The following DIPK2A variants were observed in gnomAD, a reference collection of about 807,000 sequenced individuals.
The protein encoded by DIPK2A is Golgi Protein of 49 kDa.
DIPK2A carries 27 observed loss-of-function variants against 39.0 expected under a neutral mutation model. The observed-to-expected ratio is 0.69, with a 90% CI of 0.51 to 0.96. DIPK2A has a LOEUF of 0.96. Among genes scored for constraint, DIPK2A ranks in the 40% least tolerant of loss-of-function variants. The pLI, the probability that DIPK2A is intolerant of heterozygous loss-of-function variation, is 0.00. For missense variants in DIPK2A, 528 were observed against 571.3 expected, an observed-to-expected ratio of 0.92 and a Z score of 0.77; for synonymous variants, 298 against 240.8, an observed-to-expected ratio of 1.24 and a Z score of -2.20.
At chr3:143,987,865 C>T (rs1299934942) in intron 2 of DIPK2A, among the ~76,000 whole-genome samples, 2 of 152,210 alleles carry the variant, frequency 1.3e-5, no homozygotes, top group African/African-American at 4.8e-5. Context: ...CCATTAGCAA[C>T]CACCTAATTG....
chr3:143,989,932 A>G lies in DIPK2A; in HGVS notation c.*91A>G, dbSNP rs2087957498. On this transcript the variant is annotated 3_prime_UTR_variant, in exon 3 of 3. Transcript: ENST00000315691. ...ACGATCTGAAAAAATGAAATTTGGA[A>G]GTGTTACATTCAGAGGATGATAAAC... 1 of 946,768 alleles carries G rather than the reference A, an allele frequency of 1.1e-6. No individual in the cohort carries two copies. Among genetic ancestry groups the G allele is most frequent in the African/African-American group, 1.6e-5 (1 of 60,848 alleles). The allele number at this position is 946,768 out of a possible 1,614,324, so 58.6% of individuals were successfully genotyped here.
chr3:143,990,367 G>T lies in DIPK2A; in HGVS notation c.*526G>T, dbSNP rs377662843. The T allele has an allele frequency of 7.2e-6, 1 of 139,220 alleles. No individual in the cohort carries two copies. The highest frequency in any genetic ancestry group is 1.5e-5 in the Non-Finnish European group (1 of 64,736). The allele number at this position is 139,220 out of a possible 1,614,324, so 8.6% of individuals were successfully genotyped here. On this transcript the variant is annotated 3_prime_UTR_variant, in exon 3 of 3. Coordinates refer to ENST00000315691, the MANE Select transcript of DIPK2A (RefSeq NM_173552.5). ...GTGTTCATTTAAATTTTTAATAGTT[G>T]TCATTCAGTGCTATTTGGTACATAT...
chr3:143,973,793 T>C (rs569217536), intron 1 of DIPK2A: 5 of 579,852 alleles, frequency 8.6e-6, no homozygotes, highest in African/African-American at 7.5e-5. Flanking sequence ...CGTTGTTTGC[T>C]CTCGTCTGAC....
At chr3:143,986,704 A>C (rs1469049760) in intron 2 of DIPK2A, among the ~76,000 whole-genome samples, 1 of 149,386 alleles carries the variant, frequency 6.7e-6, no homozygotes, top group East Asian at 1.9e-4. Flanking sequence ...CAGCCTGGGC[A>C]ACAGCGAGAC....
chr3:143,973,464 A>T, intron 1 of DIPK2A: 1 of 1,551,286 alleles, frequency 6.4e-7, no homozygotes, highest in East Asian at 2.4e-5. Flanking sequence ...CTTCGGTCTC[A>T]GAGTCTTTGT....
In DIPK2A at chr3:143,973,078, G is replaced by A. The variant is rs113658193; in HGVS notation, c.657+89G>A. 110 of 1,463,410 alleles carry A rather than the reference G, an allele frequency of 7.5e-5. 1 individual carries two copies. The African/African-American group carries it at 8.1e-4, about 11-fold the overall frequency. The allele number at this position is 1,463,410 out of a possible 1,614,324, so 90.7% of individuals were successfully genotyped here. ...AGAAGTGGCTCAGCCAGCGCTTGCCGCCAGTTCGGACTCGGCCGGGCTGGG... is the reference window on the plus strand; with the variant it reads ...AGAAGTGGCTCAGCCAGCGCTTGCCACCAGTTCGGACTCGGCCGGGCTGGG... On this transcript the variant is annotated intron_variant, in intron 1 of 2. Coordinates refer to ENST00000315691, the MANE Select transcript of DIPK2A (RefSeq NM_173552.5).
At chr3:143,989,469 T>TA in intron 2 of DIPK2A, 41 bp from the exon 3 acceptor site, 1 of 1,384,898 alleles carries the variant, frequency 7.2e-7, no homozygotes, top group Non-Finnish European at 9.9e-7. Context: ...GAAAACTATT[T>TA]AAAAAATTTT....
chr3:143,972,968 C>A lies in DIPK2A; in HGVS notation c.636C>A (p.Asn212Lys), dbSNP rs1211522863. Residue 212 changes from asparagine (N) to lysine (K), a missense_variant, in exon 1 of 3, where the codon AAC becomes AAA. This residue lies in a region of DIPK2A where 219 missense variants were observed against 281.5 expected (regional missense o/e 0.78). Transcript: ENST00000315691. ...AGCTGCTGCTGACCCTGGCCTTCAA[C>A]CCCGAGCCGCTGGTGCTACAGGTAG... ...RMQLLLTLAF[N>K]PEPLVLQSFP... is the part of the protein sequence containing the mutation. The A allele has an allele frequency of 6.3e-7, 1 of 1,587,286 alleles. No homozygotes were observed. The highest frequency in any genetic ancestry group is 1.1e-5 in the South Asian group (1 of 88,076).
Position 143,972,288 on chromosome 3 carries a change from G to T in DIPK2A, c.-45G>T. Reference sequence around the variant, plus strand: ...CTCCGGGTCTTGGCGCGGCGGGGGCGCCCCGGGGGTGCCCTCGCCCTCCCG... The same window carrying T: ...CTCCGGGTCTTGGCGCGGCGGGGGCTCCCCGGGGGTGCCCTCGCCCTCCCG... On this transcript the variant is annotated 5_prime_UTR_variant, in exon 1 of 3. Coordinates refer to ENST00000315691, the MANE Select transcript of DIPK2A (RefSeq NM_173552.5). 1 of 1,333,400 alleles carries T rather than the reference G, an allele frequency of 7.5e-7. No individual in the cohort carries two copies. The highest frequency in any genetic ancestry group is 9.6e-7 in the Non-Finnish European group (1 of 1,046,822). The allele number at this position is 1,333,400 out of a possible 1,614,324, so 82.6% of individuals were successfully genotyped here. A position where few individuals can be genotyped will look rare whatever the true frequency, so the allele number is the denominator to read the frequency against.
At position 143,972,504 on chromosome 3, in the gene DIPK2A, T is replaced by TGCTTCGGCACGAGCTGGTGCCGCCGC; in HGVS notation, c.173_198dup (p.Phe67AlafsTer31). The TGCTTCGGCACGAGCTGGTGCCGCCGC allele has an allele frequency of 6.2e-7, 1 of 1,610,436 alleles. No individual in the cohort carries two copies. Among genetic ancestry groups the TGCTTCGGCACGAGCTGGTGCCGCCGC allele is most frequent in the Non-Finnish European group, 8.5e-7 (1 of 1,178,532 alleles). ...CCTGCAGCTCAATAAGTGCCCGGCGTGCTTCGGCACGAGCTGGTGCCGCCG... is the reference window on the plus strand; with the variant it reads ...CCTGCAGCTCAATAAGTGCCCGGCGTGCTTCGGCACGAGCTGGTGCCGCCGCGCTTCGGCACGAGCTGGTGCCGCCG... On this transcript the variant is annotated frameshift_variant, in exon 1 of 3. Coordinates refer to ENST00000315691, the MANE Select transcript of DIPK2A (RefSeq NM_173552.5). LOFTEE classifies it high-confidence loss of function.
At position 143,989,659 on chromosome 3, in the gene DIPK2A, C is replaced by A; in HGVS notation, c.1111C>A (p.His371Asn). ...YAVCQNLLSRHATWRGTSGGL... is the reference protein window; with the variant it reads ...YAVCQNLLSRNATWRGTSGGL... The stretch of plus-strand genomic sequence containing the variant: ...TGTTTGTCAGAACCTCTTATCCAGA[C>A]ATGCCACCTGGCGTGGCACTTCTGG... The change falls in exon 3 of 3, where the codon CAT (histidine) becomes AAT (asparagine). Residue 371 changes from histidine (H) to asparagine (N), a missense_variant. His to Asn is a moderately conservative substitution (Grantham distance 68). Transcript: ENST00000315691. 1.2e-6 allele frequency: 2 copies of A among 1,614,230 alleles called. No individual in the cohort carries two copies. Among genetic ancestry groups the A allele is most frequent in the Admixed American group, 1.7e-5 (1 of 60,026 alleles).
Position 143,972,867 on chromosome 3 carries a change from C to G in DIPK2A, c.535C>G (p.Leu179Val), listed in dbSNP as rs764548618. 6.4e-7 allele frequency: 1 copy of G among 1,574,448 alleles called. No individual in the cohort carries two copies. The highest frequency in any genetic ancestry group is 1.2e-5 in the South Asian group (1 of 86,782). Reference protein sequence around the residue: ...HCPSQRLLDRLVRRYAETKDS... With the variant: ...HCPSQRLLDRVVRRYAETKDS... Reference sequence around the variant, plus strand: ...CCCCTCGCAGCGCCTTCTCGACCGCCTGGTGCGCCGCTACGCGGAGACCAA... The same window carrying G: ...CCCCTCGCAGCGCCTTCTCGACCGCGTGGTGCGCCGCTACGCGGAGACCAA... The change falls in exon 1 of 3, where the codon CTG becomes GTG. Residue 179 changes from leucine (L) to valine (V), a missense_variant. Coordinates refer to ENST00000315691, the MANE Select transcript of DIPK2A (RefSeq NM_173552.5).
chr3:143,972,689 G>C lies in DIPK2A; in HGVS notation c.357G>C (p.Ala119=). 6.2e-7 allele frequency: 1 copy of C among 1,607,442 alleles called. No homozygotes were observed. The highest frequency in any genetic ancestry group is 8.5e-7 in the Non-Finnish European group (1 of 1,177,760). ...LKRLGSQREL[A]QLDQSICKRA... The stretch of plus-strand genomic sequence containing the variant: ...GCCTCGGCTCGCAGCGCGAGCTGGC[G>C]CAGCTCGACCAGAGCATCTGCAAGC... Residue 119 remains alanine, a synonymous_variant, in exon 1 of 3, where the codon GCG becomes GCC. Coordinates refer to ENST00000315691, the MANE Select transcript of DIPK2A (RefSeq NM_173552.5).
chr3:143,975,034 A>G (rs371011762), intron 1 of DIPK2A, among the ~76,000 whole-genome samples: 135 of 152,192 alleles, frequency 8.9e-4, no homozygotes, highest in African/African-American at 2.6e-3. Context: ...CTTTTTTGAA[A>G]AAGCACAATT....
intron 2 of DIPK2A, among the ~76,000 whole-genome samples, chr3:143,987,895 G>A (rs1291993833): frequency 6.6e-6 from 1 of 152,168 alleles, no homozygotes; most frequent in Non-Finnish European, 1.5e-5. Context: ...TGAAGTGATT[G>A]TGACTAGTAT....
In DIPK2A at chr3:143,990,480, T is replaced by C. The variant is rs1050606795; in HGVS notation, c.*639T>C. ...AAATATTACATTATGTAAATACTTC[T>C]TTTCACCAACTTCTGTAGTTTCACC... On this transcript the variant is annotated 3_prime_UTR_variant, in exon 3 of 3. Coordinates refer to ENST00000315691, the MANE Select transcript of DIPK2A (RefSeq NM_173552.5). 2.8e-4 allele frequency: 42 copies of C among 152,240 alleles called. No individual in the cohort carries two copies. Among genetic ancestry groups the C allele is most frequent in the African/African-American group, 8.5e-4 (35 of 41,384 alleles). 9.4% of individuals were successfully genotyped at this position (152,240 alleles called of 1,614,324 possible).
intron 2 of DIPK2A, among the ~76,000 whole-genome samples, chr3:143,989,181 C>T (rs1258647450): frequency 4.6e-5 from 7 of 152,132 alleles, no homozygotes; most frequent in South Asian, 4.1e-4. Context: ...TTGCAGCCTT[C>T]TACAGCCCCA....
chr3:143,989,611 A>G lies in DIPK2A; in HGVS notation c.1063A>G (p.Thr355Ala). ...AAAAGAAATTCTTTGTGCTCGTGCC[A>G]CTGTGGACCACAATTACTATGCTGT... is the stretch of plus-strand genomic sequence containing the variant. ...FSKEILCARA[T>A]VDHNYYAVCQ... is the part of the protein sequence containing the mutation. Residue 355 changes from threonine to alanine, a missense_variant, in exon 3 of 3, where the codon ACT (threonine) becomes GCT (alanine). Physicochemically the swap from Thr to Ala is moderately conservative, Grantham distance 58 (BLOSUM62 0). Around this residue, in one of 2 missense-constraint regions of DIPK2A, gnomAD observed 219 missense variants for 281.5 expected, o/e 0.78. Transcript: ENST00000315691. The G allele has an allele frequency of 6.2e-7, 1 of 1,614,234 alleles. No homozygotes were observed. Among genetic ancestry groups the G allele is most frequent in the Middle Eastern group, 1.6e-4 (1 of 6,062 alleles).
At chr3:143,977,315 T>A (rs1038209724) in intron 1 of DIPK2A, among the ~76,000 whole-genome samples, 8 of 151,966 alleles carry the variant, frequency 5.3e-5, no homozygotes, top group Non-Finnish European at 2.9e-5. Context: ...TCTTGAGAAA[T>A]TTGGTTTTTA....
Sources: gnomAD v4.1 joint callset for allele counts (sites outside exome capture counted in the v4.1 genomes callset) on GRCh38, gnomAD v4.1.1 for gene constraint, gnomAD v4.1.1 regional missense constraint, MANE v1.5 for transcripts, NCBI Gene and HGNC (gene_info 2026-07-23, HGNC 2026-07-21) for gene names.